VEZF1: variants seen among roughly 807,000 people sequenced by gnomAD.
The protein encoded by VEZF1 is putative transcription factor DB1.
In VEZF1, 5 loss-of-function variants were observed where a neutral mutation model predicts 44.1. That is an observed-to-expected ratio of 0.11 (90% confidence interval 0.06 to 0.24). The LOEUF is 0.24. VEZF1 is among the 10% of genes least tolerant of loss of function. The probability of loss-of-function intolerance (pLI) is 1.00; values close to 1 mark genes in which losing one functional copy is unlikely to be tolerated. For synonymous variants in VEZF1, 236 were observed against 233.1 expected (o/e 1.01, Z -0.11); for missense variants, 358 against 641.8 (o/e 0.56, Z 4.78).
intron 1 of VEZF1, chr17:57,985,227 G>A: frequency 8.2e-7 from 1 of 1,219,342 alleles, no homozygotes; most frequent in Non-Finnish European, 1.0e-6. Context: ...ACAACCATTA[G>A]TACGATGGAG....
chr17:57,980,489 T>G, intron 4 of VEZF1, 114 bp downstream of exon 4: 1 of 1,006,002 alleles, frequency 9.9e-7, no homozygotes, highest in Non-Finnish European at 1.5e-6. Flanking sequence ...TTGCACATGT[T>G]GGCAATAGGA....
rs535411976 is a variant in VEZF1 at position 57,987,350 on chromosome 17, G to A, written c.33+729C>T. On this transcript the variant is annotated intron_variant, in intron 1 of 5. Coordinates refer to ENST00000581208, the MANE Select transcript of VEZF1 (RefSeq NM_007146.3). ...GGGACGGCGGGAGAGCTGGACAGAG[G>A]GAGAAGGTGTCAGCTGCCAAGGCTC... Among the ~76,000 whole-genome samples, 12 of 152,180 alleles carry A rather than the reference G, an allele frequency of 7.9e-5. No individual in the cohort carries two copies. In the South Asian group the frequency reaches 2.3e-3, roughly 29 times the overall value.
chr17:57,980,573 A>G, intron 4 of VEZF1, 30 bp downstream of exon 4: 1 of 1,593,674 alleles, frequency 6.3e-7, no homozygotes, highest in African/African-American at 1.3e-5. Context: ...TCTGAAATAT[A>G]AAAGAAAGAA....
rs116853769 is a variant in VEZF1, at chr17:57,977,263, C to T, written c.1138+1889G>A. Among the ~76,000 whole-genome samples, 167 of 152,030 alleles carry T rather than the reference C, an allele frequency of 1.1e-3. 1 individual carries two copies. The East Asian group carries it at 0.032, about 29-fold the overall frequency. ...TCCTGAGTAGCGGGGACTACAGACA[C>T]GCACTGTCACGTCCGGCTAATTTTT... is the stretch of plus-strand genomic sequence containing the variant. On this transcript the variant is annotated intron_variant, in intron 5 of 5. Transcript: ENST00000581208.
chr17:57,984,633 T>C (rs2075279367), intron 1 of VEZF1, among the ~76,000 whole-genome samples: 1 of 152,162 alleles, frequency 6.6e-6, no homozygotes, highest in African/African-American at 2.4e-5. Flanking sequence ...CTTCTTACTC[T>C]ATAACCACAA....
intron 1 of VEZF1, among the ~76,000 whole-genome samples, chr17:57,987,483 G>A (rs954609731): frequency 2.0e-5 from 3 of 152,252 alleles, no homozygotes; most frequent in Admixed American, 1.3e-4. Flanking sequence ...GAGGGGTGGT[G>A]GCGGTGAGGG....
At chr17:57,984,992 A>C (rs1047109160) in intron 1 of VEZF1, among the ~76,000 whole-genome samples, 2 of 152,168 alleles carry the variant, frequency 1.3e-5, no homozygotes, top group Non-Finnish European at 2.9e-5. Context: ...GGGTCTATCT[A>C]CCCAGGTGAC....
rs1275712391 is a variant in VEZF1 at position 57,983,268 on chromosome 17, C to T, written c.159G>A (p.Gln53=). 2 of 1,614,034 alleles carry T rather than the reference C, an allele frequency of 1.2e-6. No individual in the cohort carries two copies. The highest frequency in any genetic ancestry group is 1.3e-5 in the African/African-American group (1 of 74,984). The change falls in exon 2 of 6, where the codon CAG becomes CAA. Residue 53 remains glutamine, a synonymous_variant. Coordinates refer to ENST00000581208, the MANE Select transcript of VEZF1 (RefSeq NM_007146.3). ...CATCCTTTAATGTTTCTGGTGCACC[C>T]TGAGGTTTCTGAGTTATTGGTATTG... ...LLPIPITQKP[Q]GAPETLKDAI...
chr17:57,979,089 C>T, intron 5 of VEZF1, 63 bp downstream of exon 5: 1 of 1,572,696 alleles, frequency 6.4e-7, no homozygotes, highest in Non-Finnish European at 8.6e-7. Context: ...ACTTTGATCA[C>T]TTGGCATACT....
At chr17:57,981,726 T>C in intron 3 of VEZF1, 147 bp downstream of exon 3, 3 of 591,662 alleles carry the variant, frequency 5.1e-6, no homozygotes, top group Non-Finnish European at 8.4e-6. Context: ...GTCAGTTATA[T>C]TTTATAAAAC....
intron 5 of VEZF1, among the ~76,000 whole-genome samples, chr17:57,976,720 A>G (rs1359262553): frequency 2.6e-5 from 4 of 152,182 alleles, no homozygotes; most frequent in South Asian, 2.1e-4. Context: ...TGGGAATACA[A>G]TAACATTTTG....
intron 1 of VEZF1, among the ~76,000 whole-genome samples, chr17:57,984,537 C>T (rs1478570070): frequency 1.3e-5 from 2 of 152,170 alleles, no homozygotes; most frequent in Non-Finnish European, 2.9e-5. Flanking sequence ...TGCATGCACT[C>T]AAGAGGAGTT....
intron 1 of VEZF1, among the ~76,000 whole-genome samples, chr17:57,987,273 C>T (rs1230196370): frequency 2.6e-5 from 4 of 152,256 alleles, no homozygotes; most frequent in Non-Finnish European, 5.9e-5. Context: ...CGGCCCCCAC[C>T]GCTCCCCGCC....
rs977979130 is a variant in VEZF1 at position 57,971,713 on chromosome 17, C to T, written c.*2760G>A. ...GAACGGATACACAATAAAAAGCAAACGCAGGCCAAGCAGCGAGCCCTAGAG... is the reference window on the plus strand; with the variant it reads ...GAACGGATACACAATAAAAAGCAAATGCAGGCCAAGCAGCGAGCCCTAGAG... On this transcript the variant is annotated 3_prime_UTR_variant, in exon 6 of 6. Transcript: ENST00000581208. 2 of 152,570 alleles carry T rather than the reference C, an allele frequency of 1.3e-5. No individual in the cohort carries two copies. Among genetic ancestry groups the T allele is most frequent in the African/African-American group, 2.4e-5 (1 of 41,398 alleles). 9.5% of individuals were successfully genotyped at this position (152,570 alleles called of 1,614,324 possible).
intron 4 of VEZF1, among the ~76,000 whole-genome samples, chr17:57,979,915 A>G (rs1294900287): frequency 6.8e-6 from 1 of 148,026 alleles, no homozygotes; most frequent in African/African-American, 2.5e-5. Flanking sequence ...GGTTGCAGTG[A>G]GCCGAGATCG....
intron 4 of VEZF1, 72 bp from the exon 5 acceptor site, chr17:57,979,385 TCTC>T (rs1007900702): frequency 1.0e-5 from 16 of 1,586,428 alleles, no homozygotes; most frequent in African/African-American, 5.4e-5. Context: ...AAAATTGACT[TCTC>T]ATGCTTCTGT....
Position 57,983,361 on chromosome 17 carries a change from T to C in VEZF1, c.66A>G (p.Ala22=). ...GGAGGGGCAGCAAGCTGTTCTGTGC[T>C]GCCTGCTGTTGGTGATGGGAAGCTT... ...AHEASHHQQQ[A]AQNSLLPLLS... The change falls in exon 2 of 6, where the codon GCA becomes GCG. Residue 22 remains alanine (A), a synonymous_variant. Coordinates refer to ENST00000581208, the MANE Select transcript of VEZF1 (RefSeq NM_007146.3). The C allele has an allele frequency of 6.2e-7, 1 of 1,611,044 alleles. No homozygotes were observed. Among genetic ancestry groups the C allele is most frequent in the Non-Finnish European group, 8.5e-7 (1 of 1,179,092 alleles).
At position 57,974,371 on chromosome 17, in the gene VEZF1, A is replaced by C. The variant is rs1404237571; in HGVS notation, c.*102T>G. ...CCACACTCTTATTAACTAATGTAAT[A>C]AAATCTCCCAATTTCATGGTTTACT... On this transcript the variant is annotated 3_prime_UTR_variant, in exon 6 of 6. Coordinates refer to ENST00000581208, the MANE Select transcript of VEZF1 (RefSeq NM_007146.3). 3.0e-6 allele frequency: 4 copies of C among 1,327,572 alleles called. No individual in the cohort carries two copies. Among genetic ancestry groups the C allele is most frequent in the Non-Finnish European group, 4.1e-6 (4 of 975,426 alleles). The allele number at this position is 1,327,572 out of a possible 1,614,324, so 82.2% of individuals were successfully genotyped here.
At chr17:57,987,351 GAGA>G (rs1273546840) in intron 1 of VEZF1, among the ~76,000 whole-genome samples, 6 of 152,214 alleles carry the variant, frequency 3.9e-5, no homozygotes, top group South Asian at 2.1e-4. Context: ...TGGACAGAGG[GAGA>G]AGGTGTCAGC....
Sources: gnomAD v4.1 joint callset for allele counts (sites outside exome capture counted in the v4.1 genomes callset) on GRCh38, gnomAD v4.1.1 for gene constraint, MANE v1.5 for transcripts, NCBI Gene and HGNC (gene_info 2026-07-23, HGNC 2026-07-21) for gene names.